Variants in DNA2 observed in about 807,000 individuals in gnomAD.
DNA2 encodes the protein DNA replication helicase/nuclease 2.
In DNA2, 101 loss-of-function variants were observed where a neutral mutation model predicts 119.1. The observed-to-expected ratio is 0.85, with a 90% CI of 0.72 to 1.00. The LOEUF is 1.00. Ranked by LOEUF, DNA2 falls within the 50% of genes least tolerant of loss-of-function variation. The pLI, the probability that DNA2 is intolerant of heterozygous loss-of-function variation, is 0.00. For missense variants in DNA2, 1,121 were observed against 1,255.5 expected, an observed-to-expected ratio of 0.89 and a Z score of 1.62; for synonymous variants, 366 against 424.4, an observed-to-expected ratio of 0.86 and a Z score of 1.69.
intron 5 of DNA2, 68 bp from the exon 6 acceptor site, chr10:68,450,315 G>A: frequency 8.4e-7 from 1 of 1,190,876 alleles, no homozygotes. Flanking sequence ...TGCTGGCTCT[G>A]ACTGCCTATT....
At chr10:68,425,809 C>CA (rs59128210) in intron 14 of DNA2, among the ~76,000 whole-genome samples, 63 of 144,528 alleles carry the variant, frequency 4.4e-4, no homozygotes, top group East Asian at 1.0e-3. Flanking sequence ...TTTCATAATT[C>CA]AAAAAAAAAA....
At chr10:68,430,283 A>C (rs2051802429) in intron 14 of DNA2, among the ~76,000 whole-genome samples, 153 bp downstream of exon 14, 1 of 152,180 alleles carries the variant, frequency 6.6e-6, no homozygotes, top group Non-Finnish European at 1.5e-5. Flanking sequence ...AGGAAATAGC[A>C]AACTATAAGT....
chr10:68,436,941 A>G, intron 10 of DNA2, 70 bp downstream of exon 10: 1 of 1,213,780 alleles, frequency 8.2e-7, no homozygotes, highest in Non-Finnish European at 1.2e-6. Flanking sequence ...TACATTTTAA[A>G]TGGATGAACT....
At position 68,471,940 on chromosome 10, in the gene DNA2, G is replaced by GA; in HGVS notation, c.-77dup. 6.2e-7 allele frequency: 1 copy of GA among 1,613,316 alleles called. No individual in the cohort carries two copies. Among genetic ancestry groups the GA allele is most frequent in the Non-Finnish European group, 8.5e-7 (1 of 1,179,404 alleles). On this transcript the variant is annotated 5_prime_UTR_variant, in exon 1 of 21. The change creates a premature stop within an existing upstream ORF in the 5' untranslated region. Coordinates refer to ENST00000358410, the MANE Select transcript of DNA2 (RefSeq NM_001080449.3). The stretch of plus-strand genomic sequence containing the variant: ...GGTAACACAGAAAGCTTAGAAAAGG[G>GA]AAAAAGGCGCGAGCCTGCGCACCTC...
Position 68,458,838 on chromosome 10 carries a change from A to G in DNA2, c.719+266T>C, listed in dbSNP as rs770940997. Among the ~76,000 whole-genome samples, 35 of 152,200 alleles carry G rather than the reference A, an allele frequency of 2.3e-4. 1 individual carries two copies. The highest frequency in any genetic ancestry group is 5.1e-4 in the Non-Finnish European group (35 of 68,044). On this transcript the variant is annotated intron_variant, in intron 5 of 20. Transcript: ENST00000358410. ...TATTTCCAGCCTGTGCGACAGAGCA[A>G]AACTCCATCTCAAAAAAAAAGAAAG...
In DNA2 at chr10:68,422,686, T is replaced by G. The variant is rs184309584; in HGVS notation, c.2402+11A>C. The G allele has an allele frequency of 5.6e-6, 9 of 1,613,596 alleles. No homozygotes were observed. Among genetic ancestry groups the G allele is most frequent in the Non-Finnish European group, 7.6e-6 (9 of 1,179,676 alleles). Reference sequence around the variant, plus strand: ...ATCTAGTTTAAAATTAACACTTAAGTGTCTGCCTACCTTGCTTCACGGTTT... The same window carrying G: ...ATCTAGTTTAAAATTAACACTTAAGGGTCTGCCTACCTTGCTTCACGGTTT... On this transcript the variant is annotated intron_variant, in intron 15 of 20. Coordinates refer to ENST00000358410, the MANE Select transcript of DNA2 (RefSeq NM_001080449.3).
At chr10:68,469,894 A>T in intron 2 of DNA2, 87 bp downstream of exon 2, 1 of 1,178,942 alleles carries the variant, frequency 8.5e-7, no homozygotes, top group Non-Finnish European at 1.2e-6. Flanking sequence ...CAATTAAATT[A>T]TAGTAACATT....
intron 5 of DNA2, among the ~76,000 whole-genome samples, chr10:68,456,251 G>A (rs1006668551): frequency 3.9e-5 from 6 of 151,976 alleles, no homozygotes; most frequent in African/African-American, 1.5e-4. Flanking sequence ...AAGTAAATGA[G>A]ATCAAGGCAG....
intron 19 of DNA2, 30 bp from the exon 20 acceptor site, chr10:68,416,885 A>T: frequency 6.3e-7 from 1 of 1,583,924 alleles, no homozygotes; most frequent in South Asian, 1.1e-5. Context: ...CAATTATTCA[A>T]GTTCAAAGGA....
chr10:68,447,171 G>A (rs918368478), intron 6 of DNA2, among the ~76,000 whole-genome samples: 6 of 151,926 alleles, frequency 3.9e-5, no homozygotes, highest in African/African-American at 1.5e-4. Flanking sequence ...AAACAAAAAC[G>A]TAGTGAGATC....
intron 6 of DNA2, among the ~76,000 whole-genome samples, chr10:68,447,691 TA>T (rs1401424833): frequency 1.2e-4 from 17 of 139,782 alleles, no homozygotes; most frequent in Non-Finnish European, 1.4e-4. Flanking sequence ...TGTCTTAAAA[TA>T]AAAAAAAAAG....
At chr10:68,464,858 A>C (rs1426719962) in intron 4 of DNA2, among the ~76,000 whole-genome samples, 3 of 133,394 alleles carry the variant, frequency 2.2e-5, no homozygotes, top group African/African-American at 5.5e-5. Context: ...AAAAAAAAAA[A>C]CTGGTAAGGC....
At chr10:68,443,238 G>A (rs979580363) in intron 8 of DNA2, 127 bp from the exon 9 acceptor site, 1 of 826,100 alleles carries the variant, frequency 1.2e-6, no homozygotes, top group Non-Finnish European at 1.8e-6. Flanking sequence ...AGCCCCTAAT[G>A]TTCCTTAAAA....
intron 6 of DNA2, among the ~76,000 whole-genome samples, chr10:68,446,651 C>A: frequency 6.6e-6 from 1 of 152,070 alleles, no homozygotes. Context: ...CCAAGGCAGG[C>A]AGATCGCTTG....
intron 10 of DNA2, among the ~76,000 whole-genome samples, chr10:68,435,451 A>T (rs2051875212): frequency 6.9e-6 from 1 of 145,984 alleles, no homozygotes; most frequent in Non-Finnish European, 1.5e-5. Context: ...TAGAATATAC[A>T]TACACATATA....
At chr10:68,464,851 A>AC (rs1207618352) in intron 4 of DNA2, among the ~76,000 whole-genome samples, 1 of 149,818 alleles carries the variant, frequency 6.7e-6, no homozygotes, top group African/African-American at 2.5e-5. Flanking sequence ...AAAAAAAAAA[A>AC]AAAAAAACTG....
chr10:68,438,600 T>G (rs533509022), intron 9 of DNA2, among the ~76,000 whole-genome samples: 3 of 152,310 alleles, frequency 2.0e-5, no homozygotes, highest in Non-Finnish European at 4.4e-5. Flanking sequence ...TTATTAGTAT[T>G]TATATATGTA....
chr10:68,451,375 GA>G (rs1014600716), intron 5 of DNA2, among the ~76,000 whole-genome samples: 3 of 151,332 alleles, frequency 2.0e-5, no homozygotes, highest in Non-Finnish European at 4.4e-5. Flanking sequence ...ACAGAAAGGA[GA>G]AAAAAAGGGA....
chr10:68,450,620 T>C (rs766758775), intron 5 of DNA2, among the ~76,000 whole-genome samples: 1 of 152,232 alleles, frequency 6.6e-6, no homozygotes, highest in Admixed American at 6.5e-5. Flanking sequence ...CTTTCAGTCA[T>C]TCCTACTATA....
Sources: allele counts gnomAD v4.1 joint callset (sites outside exome capture counted in the v4.1 genomes callset), GRCh38; gene constraint gnomAD v4.1.1; transcripts MANE v1.5; gene names NCBI Gene and HGNC (gene_info 2026-07-23, HGNC 2026-07-21).